Variants in CNTN4 observed in about 807,000 individuals in gnomAD.
CNTN4 encodes contactin-4.
Under a neutral mutation model 122.5 loss-of-function variants are expected in CNTN4, and 77 were observed. The ratio of observed to expected loss-of-function variants is 0.63; its 90% CI spans 0.52 to 0.76. The LOEUF (loss-of-function observed/expected upper bound fraction) is 0.76, where lower values mean the gene tolerates loss of function less well. Among genes scored for constraint, CNTN4 ranks in the 30% least tolerant of loss-of-function variants. CNTN4 has a pLI of 0.00. For missense variants in CNTN4, 1,256 were observed against 1,259.1 expected, an observed-to-expected ratio of 1.00 and a Z score of 0.04; for synonymous variants, 512 against 447.0, an observed-to-expected ratio of 1.15 and a Z score of -1.83.
Position 2,860,577 on chromosome 3 carries a change from A to T in CNTN4, c.455-6175A>T, listed in dbSNP as rs55874276. On this transcript the variant is annotated intron_variant, in intron 7 of 24. Coordinates refer to ENST00000418658, the MANE Select transcript of CNTN4 (RefSeq NM_175607.3). ...GTCATTATAGGTTTAAATACAAATT[A>T]GTCTGTCTTCTAATTAATAGAGGTA... 3.9e-3 allele frequency among the ~76,000 whole-genome samples: 596 copies of T among 152,288 alleles called. 3 individuals are homozygous for T. The highest frequency in any genetic ancestry group is 4.5e-3 in the Non-Finnish European group (308 of 68,020).
At chr3:2,746,766 A>G (rs1409262794) in intron 6 of CNTN4, among the ~76,000 whole-genome samples, 2 of 152,194 alleles carry the variant, frequency 1.3e-5, no homozygotes, top group African/African-American at 2.4e-5. Flanking sequence ...TCTAAGTATT[A>G]TGTATATGCG....
chr3:3,003,803 G>A (rs1696322764), intron 14 of CNTN4, among the ~76,000 whole-genome samples: 1 of 151,398 alleles, frequency 6.6e-6, no homozygotes, highest in South Asian at 2.1e-4. Context: ...AGGCTGGAGT[G>A]CAGTAGCATG....
intron 6 of CNTN4, among the ~76,000 whole-genome samples, chr3:2,776,671 G>A (rs985262435): frequency 3.9e-5 from 6 of 152,040 alleles, no homozygotes; most frequent in Admixed American, 1.3e-4. Context: ...GGTTCCCTGG[G>A]TCCCAGCACA....
chr3:2,105,274 T>C (rs1275828245), intron 2 of CNTN4, among the ~76,000 whole-genome samples: 1 of 152,236 alleles, frequency 6.6e-6, no homozygotes, highest in African/African-American at 2.4e-5. Flanking sequence ...AACAGAACAG[T>C]AGCAAGGGGC....
intron 12 of CNTN4, among the ~76,000 whole-genome samples, chr3:2,918,870 G>A (rs923475802): frequency 1.2e-4 from 19 of 152,184 alleles, no homozygotes; most frequent in African/African-American, 4.1e-4. Flanking sequence ...AGGGGAGAAA[G>A]AGATGTAGTG....
intron 4 of CNTN4, among the ~76,000 whole-genome samples, chr3:2,660,266 G>T (rs1479597774): frequency 6.6e-6 from 1 of 151,878 alleles, no homozygotes; most frequent in Non-Finnish European, 1.5e-5. Flanking sequence ...TTTAAAAAAA[G>T]AAATAGAGTT....
Position 3,034,933 on chromosome 3 carries a change from G to A in CNTN4, c.1942+143G>A, listed in dbSNP as rs189537400. On this transcript the variant is annotated intron_variant, in intron 17 of 24. Transcript: ENST00000418658. Reference sequence around the variant, plus strand: ...AGTGTTTCCTAAACCTCGGCCAACTGTACTATCATTAATATTTTTCTTTAT... The same window carrying A: ...AGTGTTTCCTAAACCTCGGCCAACTATACTATCATTAATATTTTTCTTTAT... The A allele has an allele frequency of 1.8e-4, 157 of 887,844 alleles. No homozygotes were observed. The African/African-American group carries it at 2.4e-3, about 14-fold the overall frequency. 55.0% of individuals were successfully genotyped at this position (887,844 alleles called of 1,614,324 possible). A position where few individuals can be genotyped will look rare whatever the true frequency, so the allele number is the denominator to read the frequency against.
chr3:2,618,624 T>C (rs1420259472), intron 4 of CNTN4, among the ~76,000 whole-genome samples: 1 of 152,160 alleles, frequency 6.6e-6, no homozygotes, highest in African/African-American at 2.4e-5. Flanking sequence ...CCCCAAATAG[T>C]AGCACAGCGG....
Position 2,848,962 on chromosome 3 carries a change from A to G in CNTN4, c.455-17790A>G, listed in dbSNP as rs570618093. On this transcript the variant is annotated intron_variant, in intron 7 of 24. Coordinates refer to ENST00000418658, the MANE Select transcript of CNTN4 (RefSeq NM_175607.3). The stretch of plus-strand genomic sequence containing the variant: ...TCGGGGAGAAATGATTCCTGATTTT[A>G]AAAAAGATTAGAATGAGGTTACCAA... Among the ~76,000 whole-genome samples, 17 of 152,304 alleles carry G rather than the reference A, an allele frequency of 1.1e-4. No homozygotes were observed. The South Asian group carries it at 3.3e-3, about 30-fold the overall frequency.
chr3:2,667,493 C>T (rs558229682), intron 4 of CNTN4, among the ~76,000 whole-genome samples: 44 of 152,076 alleles, frequency 2.9e-4, no homozygotes, highest in African/African-American at 1.0e-3. Flanking sequence ...GGATATTAGC[C>T]CTTTGTCAGA....
At chr3:2,221,563 T>TA (rs35370434) in intron 2 of CNTN4, among the ~76,000 whole-genome samples, 4 of 150,874 alleles carry the variant, frequency 2.7e-5, no homozygotes, top group East Asian at 3.9e-4. Context: ...TTATCAAAAT[T>TA]AAAAAAAATT....
intron 13 of CNTN4, among the ~76,000 whole-genome samples, chr3:2,936,867 C>G (rs2094571292): frequency 6.6e-6 from 1 of 152,138 alleles, no homozygotes; most frequent in Non-Finnish European, 1.5e-5. Context: ...TCAGTGCCCA[C>G]AAATAAAGTT....
At chr3:3,014,591 A>G (rs1222936723) in intron 14 of CNTN4, among the ~76,000 whole-genome samples, 1 of 151,796 alleles carries the variant, frequency 6.6e-6, no homozygotes, top group Non-Finnish European at 1.5e-5. Flanking sequence ...TGTGAATGTC[A>G]TTTATTAGCA....
At chr3:2,466,544 C>G (rs982224723) in intron 3 of CNTN4, among the ~76,000 whole-genome samples, 1 of 152,076 alleles carries the variant, frequency 6.6e-6, no homozygotes, top group Non-Finnish European at 1.5e-5. Flanking sequence ...TGGAATGATT[C>G]ATTCTTTCAG....
chr3:3,022,241 C>G (rs1698366783), intron 14 of CNTN4, among the ~76,000 whole-genome samples: 4 of 152,098 alleles, frequency 2.6e-5, no homozygotes, highest in African/African-American at 4.8e-5. Flanking sequence ...GAGACCCCAT[C>G]TCAAAAATAA....
At chr3:2,201,112 C>T (rs949853659) in intron 2 of CNTN4, among the ~76,000 whole-genome samples, 2 of 152,088 alleles carry the variant, frequency 1.3e-5, no homozygotes, top group African/African-American at 4.8e-5. Context: ...GCCTATTCTC[C>T]ATTCCTTCTG....
chr3:2,412,745 T>C (rs2047271983), intron 3 of CNTN4, among the ~76,000 whole-genome samples: 1 of 152,304 alleles, frequency 6.6e-6, no homozygotes, highest in African/African-American at 2.4e-5. Flanking sequence ...TATATACCTT[T>C]GTAACTGAAA....
At chr3:2,724,749 T>A (rs1189147163) in intron 4 of CNTN4, among the ~76,000 whole-genome samples, 1 of 152,116 alleles carries the variant, frequency 6.6e-6, no homozygotes, top group Non-Finnish European at 1.5e-5. Context: ...ACGGAGGGTG[T>A]CACTGGGGAG....
intron 7 of CNTN4, among the ~76,000 whole-genome samples, chr3:2,833,596 G>GA (rs894812174): frequency 3.4e-5 from 5 of 148,408 alleles, no homozygotes; most frequent in South Asian, 2.2e-4. Context: ...TTGAGCGGAA[G>GA]AAAAAAAATT....
Sources: allele counts gnomAD v4.1 joint callset (sites outside exome capture counted in the v4.1 genomes callset), GRCh38; gene constraint gnomAD v4.1.1; transcripts MANE v1.5; gene names NCBI Gene and HGNC (gene_info 2026-07-23, HGNC 2026-07-21).